DENND1A: variants seen among roughly 807,000 people sequenced by gnomAD.
DENND1A encodes DENN domain containing 1A.
Under a neutral mutation model 113.7 loss-of-function variants are expected in DENND1A, and 51 were observed. That is an observed-to-expected ratio of 0.45 (90% CI 0.36 to 0.57). The LOEUF (loss-of-function observed/expected upper bound fraction) is 0.57, where lower values mean the gene tolerates loss of function less well. DENND1A is among the 20% of genes least tolerant of loss of function. DENND1A has a pLI of 0.00. For missense variants in DENND1A, 1,258 were observed against 1,395.9 expected (o/e 0.90, Z 1.57); for synonymous variants, 565 against 570.8 (o/e 0.99, Z 0.14).
rs148767860 is a variant in DENND1A at position 123,874,367 on chromosome 9, T to C, written c.88+4584A>G. Among the ~76,000 whole-genome samples, 745 of 152,236 alleles carry C rather than the reference T, an allele frequency of 4.9e-3. 3 individuals carry two copies. Among genetic ancestry groups the C allele is most frequent in the African/African-American group, 0.018 (728 of 41,544 alleles). On this transcript the variant is annotated intron_variant, in intron 2 of 23. Coordinates refer to ENST00000394215, the MANE Select transcript of DENND1A (RefSeq NM_001352964.2). Reference sequence around the variant, plus strand: ...CATATAACCAGATAATTAATATCTATAGTATATAAACAATTTCTTATAAAC... The same window carrying C: ...CATATAACCAGATAATTAATATCTACAGTATATAAACAATTTCTTATAAAC...
intron 1 of DENND1A, among the ~76,000 whole-genome samples, chr9:123,881,600 T>C (rs1209188837): frequency 6.6e-6 from 1 of 152,232 alleles, no homozygotes; most frequent in African/African-American, 2.4e-5. Context: ...AAGTTTCCAT[T>C]TTTAATTTAT....
At chr9:123,691,283 A>T (rs116337411) in intron 5 of DENND1A, among the ~76,000 whole-genome samples, 224 of 152,302 alleles carry the variant, frequency 1.5e-3, no homozygotes, top group African/African-American at 5.2e-3. Flanking sequence ...CTTGGGGAAG[A>T]GACCTGCAAA....
intron 13 of DENND1A, among the ~76,000 whole-genome samples, chr9:123,543,595 G>T (rs533362627): frequency 1.3e-5 from 2 of 152,266 alleles, no homozygotes; most frequent in Admixed American, 6.5e-5. Context: ...TTCTGTCCCT[G>T]CTCCAGCCAC....
chr9:123,728,623 T>C (rs1377629996), intron 5 of DENND1A, among the ~76,000 whole-genome samples: 1 of 150,894 alleles, frequency 6.6e-6, no homozygotes, highest in Admixed American at 6.6e-5. Flanking sequence ...AAGAGCAAAA[T>C]TTATGTGGAA....
intron 2 of DENND1A, among the ~76,000 whole-genome samples, chr9:123,821,200 T>C (rs960134868): frequency 9.2e-5 from 14 of 152,244 alleles, no homozygotes; most frequent in Admixed American, 6.5e-4. Context: ...AATATTCATT[T>C]CATCTCAAAT....
At chr9:123,680,862 G>A (rs2064400952) in intron 5 of DENND1A, among the ~76,000 whole-genome samples, 1 of 152,224 alleles carries the variant, frequency 6.6e-6, no homozygotes, top group Admixed American at 6.5e-5. Context: ...GAGAGCAGGG[G>A]ACAGGGATGG....
intron 5 of DENND1A, among the ~76,000 whole-genome samples, chr9:123,709,096 G>A (rs1369852087): frequency 1.3e-5 from 2 of 152,198 alleles, no homozygotes; most frequent in Non-Finnish European, 2.9e-5. Context: ...CAGCAGGACT[G>A]AAAGTGGTCA....
intron 5 of DENND1A, among the ~76,000 whole-genome samples, chr9:123,741,556 C>A (rs1019840430): frequency 2.0e-5 from 3 of 152,200 alleles, no homozygotes; most frequent in Non-Finnish European, 4.4e-5. Context: ...TGCTGGTTTA[C>A]AGAGGCAGCA....
chr9:123,382,250 G>C lies in DENND1A; in HGVS notation c.2395C>G (p.Leu799Val). The change falls in exon 24 of 24, where the codon CTG becomes GTG. Residue 799 changes from leucine (L) to valine (V), a missense_variant. Physicochemically the swap from Leu to Val is conservative, Grantham distance 32 (BLOSUM62 1). Transcript: ENST00000394215. ...GCTCGCCTGTCCCGATCCGTCTGCA[G>C]CCGCTCTGAGACGTCACCAAGTGCG... ...GAALGDVSERLQTDRDRRAAL... is the reference protein window; with the variant it reads ...GAALGDVSERVQTDRDRRAAL... The C allele has an allele frequency of 6.2e-7, 1 of 1,610,170 alleles. No individual in the cohort carries two copies.
chr9:123,508,077 C>T (rs2053125712), intron 13 of DENND1A, among the ~76,000 whole-genome samples: 1 of 152,024 alleles, frequency 6.6e-6, no homozygotes, highest in South Asian at 2.1e-4. Flanking sequence ...CTGACAGCTC[C>T]CAGATAACAC....
chr9:123,818,517 TATACACACACACACACACACAC>T (rs1343913949), intron 2 of DENND1A, among the ~76,000 whole-genome samples: 2 of 123,164 alleles, frequency 1.6e-5, no homozygotes, highest in South Asian at 2.6e-4. Context: ...TATACATACA[TATACACACACACACACACACAC>T]ACACACACAC....
intron 2 of DENND1A, among the ~76,000 whole-genome samples, chr9:123,863,345 T>C (rs1845331542): frequency 6.6e-6 from 1 of 152,200 alleles, no homozygotes; most frequent in South Asian, 2.1e-4. Flanking sequence ...CTCTGCTTCC[T>C]CTCAAACAAT....
At chr9:123,650,945 A>T (rs953781824) in intron 9 of DENND1A, among the ~76,000 whole-genome samples, 1 of 148,936 alleles carries the variant, frequency 6.7e-6, no homozygotes. Flanking sequence ...GGATTAATGG[A>T]TGCTATGGAT....
At chr9:123,858,739 G>C (rs1316146772) in intron 2 of DENND1A, among the ~76,000 whole-genome samples, 1 of 152,136 alleles carries the variant, frequency 6.6e-6, no homozygotes, top group East Asian at 1.9e-4. Flanking sequence ...TCAGTCTGTA[G>C]GCAATAGGAG....
chr9:123,551,301 C>G (rs1322622684), intron 13 of DENND1A, among the ~76,000 whole-genome samples: 2 of 152,194 alleles, frequency 1.3e-5, no homozygotes, highest in African/African-American at 2.4e-5. Flanking sequence ...CCAAGTGGAG[C>G]CCCTCTGCCT....
chr9:123,588,323 TA>T (rs1270264259), intron 11 of DENND1A, among the ~76,000 whole-genome samples: 1 of 146,466 alleles, frequency 6.8e-6, no homozygotes, highest in Non-Finnish European at 1.5e-5. Context: ...TGCCTACTAT[TA>T]AAAAATGGGA....
chr9:123,697,959 T>A (rs2065629796), intron 5 of DENND1A, among the ~76,000 whole-genome samples: 1 of 152,240 alleles, frequency 6.6e-6, no homozygotes, highest in African/African-American at 2.4e-5. Flanking sequence ...CCTGTCTTAC[T>A]TAGGCCACTT....
At chr9:123,602,319 C>T (rs2059966833) in intron 11 of DENND1A, among the ~76,000 whole-genome samples, 1 of 152,134 alleles carries the variant, frequency 6.6e-6, no homozygotes. Flanking sequence ...AAATATTATA[C>T]AAAAATAGCC....
intron 13 of DENND1A, among the ~76,000 whole-genome samples, chr9:123,459,810 A>G (rs751919448): frequency 4.6e-5 from 7 of 152,166 alleles, no homozygotes; most frequent in African/African-American, 7.2e-5. Flanking sequence ...GTAAGTTCTA[A>G]GAGTTCTTCC....
Sources: gnomAD v4.1 joint callset for allele counts (sites outside exome capture counted in the v4.1 genomes callset) on GRCh38, gnomAD v4.1.1 for gene constraint, MANE v1.5 for transcripts, NCBI Gene and HGNC (gene_info 2026-07-23, HGNC 2026-07-21) for gene names.